The following ATXN10 variants were observed in gnomAD, a reference collection of about 807,000 sequenced individuals.
ATXN10 encodes ataxin-10.
In ATXN10, 28 loss-of-function variants were observed where a neutral mutation model predicts 52.9. The ratio of observed to expected loss-of-function variants is 0.53; its 90% CI spans 0.39 to 0.73. ATXN10 has a LOEUF of 0.73. ATXN10 is among the 30% of genes least tolerant of loss of function. ATXN10 has a pLI of 0.00. For missense variants in ATXN10, 565 were observed against 577.0 expected (o/e 0.98, Z 0.21); for synonymous variants, 226 against 221.5 (o/e 1.02, Z -0.18).
At chr22:45,722,719 G>A (rs1924705360) in intron 6 of ATXN10, among the ~76,000 whole-genome samples, 1 of 151,886 alleles carries the variant, frequency 6.6e-6, no homozygotes, top group Non-Finnish European at 1.5e-5. Context: ...TTGGACCCCC[G>A]GAGTCTCCTG....
intron 9 of ATXN10, among the ~76,000 whole-genome samples, chr22:45,760,821 T>G (rs918392615): frequency 3.3e-5 from 5 of 152,082 alleles, no homozygotes; most frequent in Admixed American, 2.6e-4. Flanking sequence ...CTTAGATTTT[T>G]GTGGATTGTT....
intron 1 of ATXN10, among the ~76,000 whole-genome samples, chr22:45,682,022 A>G (rs769023046): frequency 2.0e-5 from 3 of 152,074 alleles, no homozygotes; most frequent in Non-Finnish European, 4.4e-5. Context: ...ACTAAATTCC[A>G]TTGCCTTTTG....
chr22:45,703,758 G>A (rs1446140154), intron 5 of ATXN10, among the ~76,000 whole-genome samples: 1 of 152,178 alleles, frequency 6.6e-6, no homozygotes, highest in Non-Finnish European at 1.5e-5. Flanking sequence ...TCCCACTCCT[G>A]AGGAGGCCTT....
intron 9 of ATXN10, among the ~76,000 whole-genome samples, chr22:45,773,122 A>C (rs1483299053): frequency 6.6e-6 from 1 of 152,158 alleles, no homozygotes; most frequent in Non-Finnish European, 1.5e-5. Context: ...GTTACTTTTT[A>C]AAAATAGCCA....
At position 45,819,192 on chromosome 22, in the gene ATXN10, AAATAGAATAGAATAGAATAGAATAG is replaced by A. The variant is rs56195245; in HGVS notation, c.1237+12206_1237+12230del. ...TCTGTAGTATGAAGAATAGAATAGA[AAATAGAATAGAATAGAATAGAATAG>A]AATAGAATAGAATAGAATAGAATAG... On this transcript the variant is annotated intron_variant, in intron 10 of 11. Transcript: ENST00000252934. The surrounding 1 kb of genome is among the most constrained non-coding windows in gnomAD (Gnocchi z 4.5). Among the ~76,000 whole-genome samples, 1,996 of 147,600 alleles carry A rather than the reference AAATAGAATAGAATAGAATAGAATAG, an allele frequency of 0.014. 19 individuals are homozygous for A. Among genetic ancestry groups the A allele is most frequent in the South Asian group, 0.02 (91 of 4,480 alleles).
Position 45,795,931 on chromosome 22 carries a change from T to C in ATXN10, c.1174-11028T>C, listed in dbSNP as rs1927721746. 6.6e-6 allele frequency among the ~76,000 whole-genome samples: 1 copy of C among 152,188 alleles called. No individual in the cohort carries two copies. Among genetic ancestry groups the C allele is most frequent in the Admixed American group, 6.5e-5 (1 of 15,278 alleles). ...CAAATTGTTTGTAAAGCATGTGTGT[T>C]TGAACAATATGAAATTTGGGCACCT... is the stretch of plus-strand genomic sequence containing the variant. On this transcript the variant is annotated intron_variant, in intron 9 of 11. Coordinates refer to ENST00000252934, the MANE Select transcript of ATXN10 (RefSeq NM_013236.4). This position sits in a 1 kb window ranked among gnomAD's most constrained non-coding sequence, Gnocchi z 4.6.
chr22:45,752,827 A>G (rs7286787), intron 9 of ATXN10, among the ~76,000 whole-genome samples: 2,941 of 151,370 alleles, frequency 0.019, 110 homozygotes, highest in African/African-American at 0.068. Context: ...TCCGCCTCCC[A>G]GGTTCAAGTG....
intron 9 of ATXN10, among the ~76,000 whole-genome samples, chr22:45,743,030 CGA>C (rs1925597334): frequency 6.6e-6 from 1 of 152,156 alleles, no homozygotes; most frequent in Non-Finnish European, 1.5e-5. Flanking sequence ...AAAAGGCTTG[CGA>C]AATAACTCAC....
chr22:45,800,228 C>T (rs377473966), intron 9 of ATXN10, among the ~76,000 whole-genome samples: 15 of 151,706 alleles, frequency 9.9e-5, no homozygotes, highest in Admixed American at 2.6e-4. Flanking sequence ...TACATATATC[C>T]GACACAGGAC....
chr22:45,752,967 C>G (rs548772320), intron 9 of ATXN10, among the ~76,000 whole-genome samples: 27 of 152,228 alleles, frequency 1.8e-4, no homozygotes, highest in Middle Eastern at 3.4e-3. Context: ...CTCCCGACCT[C>G]AGGTAATCTG....
intron 5 of ATXN10, among the ~76,000 whole-genome samples, chr22:45,704,499 C>T (rs144064671): frequency 4.6e-5 from 7 of 152,008 alleles, no homozygotes; most frequent in South Asian, 4.2e-4. Flanking sequence ...TTTTGGGTGT[C>T]GTTAGTTCAG....
chr22:45,845,184 A>G lies in ATXN10; in HGVS notation c.*1513A>G, dbSNP rs1254576191. On this transcript the variant is annotated 3_prime_UTR_variant, in exon 12 of 12. Transcript: ENST00000252934. The surrounding 1 kb of genome is among the most constrained non-coding windows in gnomAD (Gnocchi z 4.7). Reference sequence around the variant, plus strand: ...CCTTTTCCCTTTTAACAAGTTTGCAATAGACACTTCTTTTTTTCCTGTCTC... The same window carrying G: ...CCTTTTCCCTTTTAACAAGTTTGCAGTAGACACTTCTTTTTTTCCTGTCTC... The G allele has an allele frequency of 1.3e-5, 2 of 152,236 alleles. No homozygotes were observed. Among genetic ancestry groups the G allele is most frequent in the African/African-American group, 4.8e-5 (2 of 41,448 alleles). 9.4% of individuals were successfully genotyped at this position (152,236 alleles called of 1,614,324 possible). A position where few individuals can be genotyped will look rare whatever the true frequency, so the allele number is the denominator to read the frequency against.
At chr22:45,736,571 C>G (rs1244896265) in intron 7 of ATXN10, among the ~76,000 whole-genome samples, 1 of 151,754 alleles carries the variant, frequency 6.6e-6, no homozygotes, top group Non-Finnish European at 1.5e-5. Flanking sequence ...TCTTTTTTTC[C>G]TCTTTGCTAC....
chr22:45,713,711 C>T (rs1229726067), intron 5 of ATXN10, among the ~76,000 whole-genome samples: 1 of 152,146 alleles, frequency 6.6e-6, no homozygotes, highest in African/African-American at 2.4e-5. Context: ...TAGTTTACCC[C>T]CAGCCGTTTA....
chr22:45,796,731 C>G (rs1927754084), intron 9 of ATXN10, among the ~76,000 whole-genome samples: 1 of 152,198 alleles, frequency 6.6e-6, no homozygotes, highest in Non-Finnish European at 1.5e-5. Flanking sequence ...CTCCTGACCT[C>G]AAATTATCCT....
chr22:45,768,721 A>C (rs1926673192), intron 9 of ATXN10, among the ~76,000 whole-genome samples: 1 of 152,226 alleles, frequency 6.6e-6, no homozygotes, highest in African/African-American at 2.4e-5. Context: ...ATACCTTTAC[A>C]GATTAAAACT....
chr22:45,842,104 C>T lies in ATXN10; in HGVS notation c.1238-887C>T, dbSNP rs907208686. On this transcript the variant is annotated intron_variant, in intron 10 of 11. Transcript: ENST00000252934. This position sits in a 1 kb window ranked among gnomAD's most constrained non-coding sequence, Gnocchi z 4.8. ...TCTCCCTGGATCAGGGTGCCAGGCCCAGTAGGGACACAGCCTCTCTTGGCA... is the reference window on the plus strand; with the variant it reads ...TCTCCCTGGATCAGGGTGCCAGGCCTAGTAGGGACACAGCCTCTCTTGGCA... 6.6e-6 allele frequency among the ~76,000 whole-genome samples: 1 copy of T among 152,202 alleles called. No homozygotes were observed. Among genetic ancestry groups the T allele is most frequent in the Admixed American group, 6.5e-5 (1 of 15,282 alleles).
Position 45,806,987 on chromosome 22 carries a change from T to C in ATXN10, c.1202T>C (p.Ile401Thr). ...AATGAGCTGGATGGTATCCCGTTGA[T>C]CCTGGACAACTGCAACATCAGTGAC... ...KVNELDGIPL[I>T]LDNCNISDSN... Residue 401 changes from isoleucine (I) to threonine (T), a missense_variant, in exon 10 of 12, where the codon ATC (isoleucine) becomes ACC (threonine). Ile to Thr is a moderately conservative substitution (Grantham distance 89). Transcript: ENST00000252934. 2 of 1,614,080 alleles carry C rather than the reference T, an allele frequency of 1.2e-6. No individual in the cohort carries two copies. The highest frequency in any genetic ancestry group is 1.7e-6 in the Non-Finnish European group (2 of 1,179,936).
Position 45,702,860 on chromosome 22 carries a change from T to C in ATXN10, c.647+13T>C. ...AATCAGAATGGCCGTAAGTATCTTG[T>C]TAGAAATTTGATTGCTTTGGGGCAT... On this transcript the variant is annotated intron_variant, in intron 5 of 11. Coordinates refer to ENST00000252934, the MANE Select transcript of ATXN10 (RefSeq NM_013236.4). The C allele has an allele frequency of 6.2e-7, 1 of 1,613,496 alleles. No homozygotes were observed. The highest frequency in any genetic ancestry group is 8.5e-7 in the Non-Finnish European group (1 of 1,179,910).
Sources: allele counts gnomAD v4.1 joint callset (sites outside exome capture counted in the v4.1 genomes callset), GRCh38; gene constraint gnomAD v4.1.1; non-coding constraint Gnocchi (gnomAD v3.1); transcripts MANE v1.5; gene names NCBI Gene and HGNC (gene_info 2026-07-23, HGNC 2026-07-21).